Variants in ADAMTSL1 observed in about 807,000 individuals in gnomAD.
The protein encoded by ADAMTSL1 is ADAMTS like 1, also known as ADAMTS-like protein 1.
In ADAMTSL1, 126 loss-of-function variants were observed where a neutral mutation model predicts 201.8. The ratio of observed to expected loss-of-function variants is 0.62; its 90% CI spans 0.54 to 0.72. ADAMTSL1 has a LOEUF of 0.72. Among genes scored for constraint, ADAMTSL1 ranks in the 30% least tolerant of loss-of-function variants. The probability of loss-of-function intolerance (pLI) is 0.00; values close to 1 mark genes in which losing one functional copy is unlikely to be tolerated. For missense variants in ADAMTSL1, 2,679 were observed against 2,277.8 expected (o/e 1.18, Z -3.59); for synonymous variants, 1,121 against 903.4 (o/e 1.24, Z -4.32).
At chr9:17,909,685 A>G (rs1825860118) in intron 1 of ADAMTSL1, among the ~76,000 whole-genome samples, 1 of 67,398 alleles carries the variant, frequency 1.5e-5, no homozygotes, top group African/African-American at 3.0e-5. Context: ...CTTTGTAGGG[A>G]CATGGATGAA....
chr9:18,429,731 A>AATT (rs947410685), intron 2 of ADAMTSL1, among the ~76,000 whole-genome samples: 1 of 152,114 alleles, frequency 6.6e-6, no homozygotes, highest in Non-Finnish European at 1.5e-5. Flanking sequence ...TTTTCATTAA[A>AATT]ATTTTTTATT....
At chr9:18,708,774 C>A (rs576331509) in intron 14 of ADAMTSL1, among the ~76,000 whole-genome samples, 2 of 152,316 alleles carry the variant, frequency 1.3e-5, no homozygotes, top group South Asian at 4.1e-4. Flanking sequence ...TTCTCAGTTA[C>A]AAGTCAAGCC....
chr9:18,905,413 C>G (rs1830247152), intron 26 of ADAMTSL1: 1 of 210,956 alleles, frequency 4.7e-6, no homozygotes. Flanking sequence ...ATTACCCTCT[C>G]TGCACCGAAG....
At position 18,680,354 on chromosome 9, in the gene ADAMTSL1, G is replaced by C. The variant is rs142751664; in HGVS notation, c.1179G>C (p.Gly393=). The change falls in exon 11 of 29, where the codon GGG becomes GGC. Residue 393 remains glycine, a synonymous_variant. Transcript: ENST00000380548. ...GGACCGCGTGCTCCTCCTCGTGTGG[G>C]GGGGGCATCCAGAGCCGGGCAGTTT... The part of the protein sequence containing the change: ...TPWTACSSSC[G]GGIQSRAVSC... 7.7e-4 allele frequency: 1,239 copies of C among 1,614,054 alleles called. 2 individuals carry two copies. The highest frequency in any genetic ancestry group is 8.8e-4 in the Non-Finnish European group (1,042 of 1,180,032).
At position 18,352,969 on chromosome 9, in the gene ADAMTSL1, C is replaced by T. The variant is rs774320119; in HGVS notation, c.208-151860C>T. 1.8e-4 allele frequency among the ~76,000 whole-genome samples: 28 copies of T among 152,298 alleles called. 1 individual carries two copies. Among genetic ancestry groups the T allele is most frequent in the Admixed American group, 7.2e-4 (11 of 15,300 alleles). ...GGCCCTTAATACAGTGAGAAACACA[C>T]TGTGACAAGGTAGAGATTTCTTGGA... is the stretch of plus-strand genomic sequence containing the variant. On this transcript the variant is annotated intron_variant, in intron 2 of 29. Transcript: ENST00000680146.
At chr9:18,712,229 C>T (rs936034157) in intron 14 of ADAMTSL1, among the ~76,000 whole-genome samples, 68 of 152,306 alleles carry the variant, frequency 4.5e-4, no homozygotes, top group Admixed American at 1.2e-3. Context: ...TCACCAGCAA[C>T]GGAACAAAGC....
chr9:18,191,081 T>C (rs1400626728), intron 2 of ADAMTSL1, among the ~76,000 whole-genome samples: 1 of 152,134 alleles, frequency 6.6e-6, no homozygotes, highest in Non-Finnish European at 1.5e-5. Flanking sequence ...AAAAGAAATA[T>C]TTAGGTCATA....
At position 18,261,567 on chromosome 9, in the gene ADAMTSL1, A is replaced by C. The variant is rs139222614; in HGVS notation, c.207+97586A>C. Among the ~76,000 whole-genome samples the C allele has an allele frequency of 3.6e-3, 548 of 152,246 alleles. 2 individuals are homozygous for C. The highest frequency in any genetic ancestry group is 6.0e-3 in the Non-Finnish European group (406 of 68,014). On this transcript the variant is annotated intron_variant, in intron 2 of 29. Transcript: ENST00000680146. ...TTCTGCACATATGTTTTTCAAGTAA[A>C]TATTTGGTTCTGGGGAGACTTTAGA...
Position 18,826,332 on chromosome 9 carries a change from G to C in ADAMTSL1, c.3983G>C (p.Gly1328Ala). The C allele has an allele frequency of 6.2e-7, 1 of 1,613,394 alleles. No individual in the cohort carries two copies. Among genetic ancestry groups the C allele is most frequent in the Non-Finnish European group, 8.5e-7 (1 of 1,179,732 alleles). ...VTWFRNKSKL[G>A]SPHHLHEGSL... ...TGGTTCAGGAATAAAAGCAAACTGGGCTCCCCGCACCATCTGCACGAAGGC... is the reference window on the plus strand; with the variant it reads ...TGGTTCAGGAATAAAAGCAAACTGGCCTCCCCGCACCATCTGCACGAAGGC... Residue 1328 changes from glycine to alanine, a missense_variant, in exon 22 of 29, where the codon GGC becomes GCC. Gly to Ala is a moderately conservative substitution (Grantham distance 60). Coordinates refer to ENST00000380548, the MANE Select transcript of ADAMTSL1 (RefSeq NM_001040272.6).
At chr9:18,144,963 A>C (rs1192316069) in intron 1 of ADAMTSL1, among the ~76,000 whole-genome samples, 1 of 152,210 alleles carries the variant, frequency 6.6e-6, no homozygotes, top group Non-Finnish European at 1.5e-5. Flanking sequence ...AGGCTGCCTC[A>C]TAAAGATGCA....
intron 2 of ADAMTSL1, among the ~76,000 whole-genome samples, chr9:18,461,684 C>T (rs1195789743): frequency 1.3e-5 from 2 of 152,058 alleles, no homozygotes; most frequent in East Asian, 1.9e-4. Context: ...CCAGCGCAGA[C>T]CTCAGGAGTG....
At chr9:18,482,067 C>G (rs1587337133) in intron 1 of ADAMTSL1, among the ~76,000 whole-genome samples, 1 of 152,144 alleles carries the variant, frequency 6.6e-6, no homozygotes, top group African/African-American at 2.4e-5. Context: ...GTTGTATCTC[C>G]CATCCTCATT....
chr9:18,033,719 C>T (rs1821074058), intron 1 of ADAMTSL1, among the ~76,000 whole-genome samples: 1 of 152,228 alleles, frequency 6.6e-6, no homozygotes, highest in African/African-American at 2.4e-5. Flanking sequence ...CCCTCACCGT[C>T]TGCACGCTAT....
At chr9:18,310,016 C>A (rs1229807284) in intron 2 of ADAMTSL1, among the ~76,000 whole-genome samples, 1 of 151,946 alleles carries the variant, frequency 6.6e-6, no homozygotes, top group Non-Finnish European at 1.5e-5. Flanking sequence ...TGAACAGAGG[C>A]CTCAGAAATA....
At chr9:18,722,960 A>G in intron 15 of ADAMTSL1, 1 of 757,504 alleles carries the variant, frequency 1.3e-6, no homozygotes, top group South Asian at 1.4e-5. Context: ...TTGAGCCTAA[A>G]TGTGTGGGCA....
At chr9:18,700,251 C>T (rs549126836) in intron 13 of ADAMTSL1, among the ~76,000 whole-genome samples, 1 of 152,054 alleles carries the variant, frequency 6.6e-6, no homozygotes, top group East Asian at 1.9e-4. Flanking sequence ...GAAGAGTTTC[C>T]CTTCCATTAT....
chr9:18,893,516 A>T (rs1404496120), intron 26 of ADAMTSL1, among the ~76,000 whole-genome samples: 2 of 152,184 alleles, frequency 1.3e-5, no homozygotes, highest in African/African-American at 4.8e-5. Flanking sequence ...TCACCTGGGA[A>T]TCTTATTAAA....
chr9:18,061,802 T>C (rs1822466343), intron 1 of ADAMTSL1, among the ~76,000 whole-genome samples: 2 of 152,240 alleles, frequency 1.3e-5, no homozygotes. Context: ...ACCAGTTTAG[T>C]TTAGTCCATG....
At chr9:18,853,054 C>A (rs1034666514) in intron 23 of ADAMTSL1, among the ~76,000 whole-genome samples, 3 of 152,100 alleles carry the variant, frequency 2.0e-5, no homozygotes, top group Non-Finnish European at 2.9e-5. Context: ...CTTTAAGGAA[C>A]CTGGAGGTTG....
Sources: gnomAD v4.1 joint callset for allele counts (sites outside exome capture counted in the v4.1 genomes callset) on GRCh38, gnomAD v4.1.1 for gene constraint, MANE v1.5 for transcripts, NCBI Gene and HGNC (gene_info 2026-07-23, HGNC 2026-07-21) for gene names.